The following SHQ1 variants were observed in gnomAD, a reference collection of about 807,000 sequenced individuals.
SHQ1 encodes SHQ1, H/ACA ribonucleoprotein assembly factor, also known as protein SHQ1 homolog.
A neutral mutation model predicts 53.8 loss-of-function variants in SHQ1; 49 were observed. That is an observed-to-expected ratio of 0.91 (90% CI 0.72 to 1.16). The LOEUF (loss-of-function observed/expected upper bound fraction) is 1.16, where lower values mean the gene tolerates loss of function less well. Ranked by LOEUF, SHQ1 falls within the 50% of genes most tolerant of loss-of-function variation. SHQ1 has a pLI of 0.00. For synonymous variants in SHQ1, 243 were observed against 251.0 expected (o/e 0.97, Z 0.30); for missense variants, 738 against 683.1 (o/e 1.08, Z -0.90).
At chr3:72,816,633 T>G (rs1707327783) in intron 7 of SHQ1, among the ~76,000 whole-genome samples, 1 of 152,190 alleles carries the variant, frequency 6.6e-6, no homozygotes, top group Non-Finnish European at 1.5e-5. Context: ...TATATTATTT[T>G]TTAAAAGATG....
chr3:72,730,342 T>C, the SHQ1 span, among the ~76,000 whole-genome samples: 1 of 152,140 alleles, frequency 6.6e-6, no homozygotes, highest in Non-Finnish European at 1.5e-5. Flanking sequence ...CTTGAATTCC[T>C]GGCCTCAAGT....
At chr3:72,781,383 C>T (rs963506342) in intron 10 of SHQ1, among the ~76,000 whole-genome samples, 1 of 151,972 alleles carries the variant, frequency 6.6e-6, no homozygotes, top group Non-Finnish European at 1.5e-5. Context: ...GAAGGGCTCG[C>T]ATTTCAGAAA....
chr3:72,788,491 C>A (rs906385042), intron 10 of SHQ1, among the ~76,000 whole-genome samples: 8 of 148,758 alleles, frequency 5.4e-5, no homozygotes, highest in African/African-American at 2.0e-4. Flanking sequence ...CCGCCGCGTC[C>A]GGGAGGTAGG....
intron 1 of SHQ1, chr3:72,846,503 G>C: frequency 1.9e-6 from 1 of 537,658 alleles, no homozygotes; most frequent in Non-Finnish European, 3.3e-6. Flanking sequence ...TAACCATGTT[G>C]GTCAGGCCGG....
chr3:72,738,976 A>G, the SHQ1 span, among the ~76,000 whole-genome samples: 1 of 152,098 alleles, frequency 6.6e-6, no homozygotes, highest in African/African-American at 2.4e-5. Context: ...CTCCGGGGAG[A>G]GCTGGGTGGT....
intron 9 of SHQ1, among the ~76,000 whole-genome samples, chr3:72,800,171 G>C (rs1037047550): frequency 2.0e-5 from 3 of 152,076 alleles, no homozygotes; most frequent in African/African-American, 7.2e-5. Flanking sequence ...CTCACCATGT[G>C]ATACCCTCTG....
chr3:72,767,548 T>A (rs1214789789), intron 10 of SHQ1, among the ~76,000 whole-genome samples: 1 of 152,240 alleles, frequency 6.6e-6, no homozygotes, highest in African/African-American at 2.4e-5. Flanking sequence ...TCATATATTC[T>A]ATTATAGTGA....
intron 9 of SHQ1, among the ~76,000 whole-genome samples, chr3:72,802,469 A>T (rs1706819030): frequency 6.6e-6 from 1 of 152,168 alleles, no homozygotes; most frequent in African/African-American, 2.4e-5. Context: ...CTCATCAGCA[A>T]GCCATTGCAG....
chr3:72,754,965 A>G (rs1249542805), intron 10 of SHQ1, among the ~76,000 whole-genome samples: 2 of 152,190 alleles, frequency 1.3e-5, no homozygotes, highest in African/African-American at 4.8e-5. Flanking sequence ...GTTATTGTCT[A>G]CTATACAGAT....
chr3:72,805,292 C>T (rs531596868), intron 9 of SHQ1, among the ~76,000 whole-genome samples: 1 of 152,290 alleles, frequency 6.6e-6, no homozygotes, highest in Admixed American at 6.5e-5. Context: ...GTAATTCTTA[C>T]ATGTATTCCT....
intron 10 of SHQ1, among the ~76,000 whole-genome samples, chr3:72,760,850 CA>C (rs1705595481): frequency 6.6e-6 from 1 of 152,122 alleles, no homozygotes. Flanking sequence ...GACCACTTTC[CA>C]AAAGTCCCTG....
chr3:72,763,022 T>TACACACACACAC (rs35278618), intron 10 of SHQ1, among the ~76,000 whole-genome samples: 15 of 132,738 alleles, frequency 1.1e-4, no homozygotes, highest in South Asian at 2.4e-4. Context: ...CATCTTGTTT[T>TACACACACACAC]ACACACACAC....
chr3:72,820,855 C>A (rs1219240151), intron 6 of SHQ1, among the ~76,000 whole-genome samples: 3 of 152,188 alleles, frequency 2.0e-5, no homozygotes, highest in Non-Finnish European at 4.4e-5. Flanking sequence ...AGGACCACCT[C>A]CCAACATCAA....
chr3:72,743,658 T>C, the SHQ1 span, among the ~76,000 whole-genome samples: 5 of 152,218 alleles, frequency 3.3e-5, no homozygotes, highest in Non-Finnish European at 5.9e-5. Flanking sequence ...GAGTGTTTGA[T>C]GCCATTTATT....
At position 72,803,202 on chromosome 3, in the gene SHQ1, AC is replaced by A. The variant is rs1706842950; in HGVS notation, c.1060+9468del. Reference sequence around the variant, plus strand: ...TTACAGTGTGATTTTACATTACTTTACTTCTTTGTTCATACTTAAGCTTTAA... The same window carrying A: ...TTACAGTGTGATTTTACATTACTTTATTCTTTGTTCATACTTAAGCTTTAA... On this transcript the variant is annotated intron_variant, in intron 9 of 10. Coordinates refer to ENST00000325599, the MANE Select transcript of SHQ1 (RefSeq NM_018130.3). 3.3e-5 allele frequency among the ~76,000 whole-genome samples: 5 copies of A among 152,234 alleles called. No homozygotes were observed. The South Asian group carries it at 1.0e-3, about 32-fold the overall frequency.
intron 6 of SHQ1, among the ~76,000 whole-genome samples, chr3:72,817,784 T>C (rs896121802): frequency 6.6e-6 from 1 of 152,156 alleles, no homozygotes; most frequent in Non-Finnish European, 1.5e-5. Context: ...TACCAAGAAA[T>C]AGGAATACTC....
At chr3:72,844,092 G>T (rs2106973051) in intron 2 of SHQ1, among the ~76,000 whole-genome samples, 1 of 152,194 alleles carries the variant, frequency 6.6e-6, no homozygotes. Context: ...ACTTTTAAAT[G>T]TCTACTAAAT....
chr3:72,842,486 T>C (rs1233601163), intron 2 of SHQ1, 84 bp from the exon 3 acceptor site: 9 of 1,305,870 alleles, frequency 6.9e-6, no homozygotes, highest in East Asian at 5.2e-5. Context: ...CCCAATACTC[T>C]GGCAGTCTGA....
intron 6 of SHQ1, among the ~76,000 whole-genome samples, chr3:72,819,871 T>G (rs976030470): frequency 6.6e-6 from 1 of 152,234 alleles, no homozygotes; most frequent in Admixed American, 6.5e-5. Flanking sequence ...GGAAATGGCA[T>G]GAAGGCATAT....
Sources: gnomAD v4.1 joint callset for allele counts (sites outside exome capture counted in the v4.1 genomes callset) on GRCh38, gnomAD v4.1.1 for gene constraint, MANE v1.5 for transcripts, NCBI Gene and HGNC (gene_info 2026-07-23, HGNC 2026-07-21) for gene names.